CFB: variants seen among roughly 807,000 people sequenced by gnomAD.
CFB encodes complement factor B.
Under a neutral mutation model 97.2 loss-of-function variants are expected in CFB, and 59 were observed. The ratio of observed to expected loss-of-function variants is 0.61; its 90% CI spans 0.49 to 0.75. The LOEUF is 0.75. Among genes scored for constraint, CFB ranks in the 30% least tolerant of loss-of-function variants. CFB has a pLI of 0.00. For synonymous variants in CFB, 316 were observed against 351.7 expected (o/e 0.90, Z 1.14); for missense variants, 771 against 959.8 (o/e 0.80, Z 2.60).
Position 31,947,395 on chromosome 6 carries a change from G to A in CFB, c.532G>A (p.Gly178Ser). ...CATCCCCATTGGCACAAGGAAGGTG[G>A]GCAGCCAGTACCGCCTTGAAGACAG... is the stretch of plus-strand genomic sequence containing the variant. ...PGIPIGTRKV[G>S]SQYRLEDSVT... Residue 178 changes from glycine to serine, a missense_variant, in exon 4 of 18, where the codon GGC becomes AGC. Gly to Ser is a moderately conservative substitution (Grantham distance 56). Coordinates refer to ENST00000425368, the MANE Select transcript of CFB (RefSeq NM_001710.6). The surrounding 1 kb of genome is among the most constrained non-coding windows in gnomAD (Gnocchi z 5.3). 1 of 1,613,030 alleles carries A rather than the reference G, an allele frequency of 6.2e-7. No homozygotes were observed.
rs1562633057 is a variant in CFB at position 31,951,053 on chromosome 6, G to C, written c.1856-91G>C. On this transcript the variant is annotated intron_variant, in intron 14 of 17. Coordinates refer to ENST00000425368, the MANE Select transcript of CFB (RefSeq NM_001710.6). This position sits in a 1 kb window ranked among gnomAD's most constrained non-coding sequence, Gnocchi z 4.3. ...ATGCCTGGCCCAGAACCTAGCTCTAGAAGGGCTTAGGGGACATCTACTGAG... is the reference window on the plus strand; with the variant it reads ...ATGCCTGGCCCAGAACCTAGCTCTACAAGGGCTTAGGGGACATCTACTGAG... 5.7e-6 allele frequency: 9 copies of C among 1,570,264 alleles called. No individual in the cohort carries two copies. Among genetic ancestry groups the C allele is most frequent in the Middle Eastern group, 4.0e-4 (2 of 4,948 alleles).
Position 31,951,027 on chromosome 6 carries a change from G to A in CFB, c.1855+83G>A, listed in dbSNP as rs1771727974. On this transcript the variant is annotated intron_variant, in intron 14 of 17. Coordinates refer to ENST00000425368, the MANE Select transcript of CFB (RefSeq NM_001710.6). This position sits in a 1 kb window ranked among gnomAD's most constrained non-coding sequence, Gnocchi z 4.3. Reference sequence around the variant, plus strand: ...AGAGGGAGGTGCAATAGGAAGAGATGATGCCTGGCCCAGAACCTAGCTCTA... The same window carrying A: ...AGAGGGAGGTGCAATAGGAAGAGATAATGCCTGGCCCAGAACCTAGCTCTA... 3.2e-6 allele frequency: 5 copies of A among 1,575,842 alleles called. No individual in the cohort carries two copies. Among genetic ancestry groups the A allele is most frequent in the Non-Finnish European group, 4.4e-6 (5 of 1,147,860 alleles).
At position 31,951,497 on chromosome 6, in the gene CFB, G is replaced by C. The variant is rs561473312; in HGVS notation, c.2089+24G>C. 3 of 1,614,196 alleles carry C rather than the reference G, an allele frequency of 1.9e-6. No individual in the cohort carries two copies. The highest frequency in any genetic ancestry group is 2.7e-5 in the African/African-American group (2 of 75,022). ...AGGTGAGAGAATGCTCTTTGGTTGT[G>C]CTACAAGTGCCCAAGGCCCAACAGT... On this transcript the variant is annotated intron_variant, in intron 16 of 17. Transcript: ENST00000425368. This position sits in a 1 kb window ranked among gnomAD's most constrained non-coding sequence, Gnocchi z 4.3.
At chr6:31,948,678 G>A in intron 7 of CFB, 152 bp from the exon 8 acceptor site, 1 of 1,498,316 alleles carries the variant, frequency 6.7e-7, no homozygotes, top group Non-Finnish European at 9.2e-7. Flanking sequence ...GTTGGGGGCT[G>A]GAAGGGCCAC....
In CFB at chr6:31,950,414, A is replaced by G. The variant is rs557215267; in HGVS notation, c.1624+11A>G. On this transcript the variant is annotated intron_variant, in intron 12 of 17. Coordinates refer to ENST00000425368, the MANE Select transcript of CFB (RefSeq NM_001710.6). Reference sequence around the variant, plus strand: ...TCAAGGTCAGCGTAGGTAAGGATGCAACTGAAGGTCCTGGGCTGCACCTAT... The same window carrying G: ...TCAAGGTCAGCGTAGGTAAGGATGCGACTGAAGGTCCTGGGCTGCACCTAT... The G allele has an allele frequency of 6.6e-5, 106 of 1,609,110 alleles. No individual in the cohort carries two copies. Among genetic ancestry groups the G allele is most frequent in the South Asian group, 1.8e-4 (16 of 91,018 alleles).
chr6:31,951,063 G>C lies in CFB; in HGVS notation c.1856-81G>C. ...CAGAACCTAGCTCTAGAAGGGCTTA[G>C]GGGACATCTACTGAGTGACAAAGGC... On this transcript the variant is annotated intron_variant, in intron 14 of 17. Coordinates refer to ENST00000425368, the MANE Select transcript of CFB (RefSeq NM_001710.6). This position sits in a 1 kb window ranked among gnomAD's most constrained non-coding sequence, Gnocchi z 4.3. 6.4e-7 allele frequency: 1 copy of C among 1,574,024 alleles called. No homozygotes were observed. Among genetic ancestry groups the C allele is most frequent in the Non-Finnish European group, 8.7e-7 (1 of 1,145,822 alleles).
At position 31,949,276 on chromosome 6, in the gene CFB, T is replaced by C. The variant is rs773909822; in HGVS notation, c.1202T>C (p.Val401Ala). Reference sequence around the variant, plus strand: ...AACATGGGCGGGGACCCAATTACTGTCATTGATGAGATCCGGGACTTGCTA... The same window carrying C: ...AACATGGGCGGGGACCCAATTACTGCCATTGATGAGATCCGGGACTTGCTA... ...LHNMGGDPITVIDEIRDLLYI... is the reference protein window; with the variant it reads ...LHNMGGDPITAIDEIRDLLYI... The change falls in exon 9 of 18, where the codon GTC becomes GCC. Residue 401 changes from valine to alanine, a missense_variant. Transcript: ENST00000425368. 7.4e-6 allele frequency: 12 copies of C among 1,614,036 alleles called. No individual in the cohort carries two copies. Among genetic ancestry groups the C allele is most frequent in the Non-Finnish European group, 1.0e-5 (12 of 1,180,032 alleles).
In CFB at chr6:31,952,078, G is replaced by C. The variant is rs765917164; in HGVS notation, c.*48G>C. The C allele has an allele frequency of 6.2e-7, 1 of 1,605,892 alleles. No individual in the cohort carries two copies. Among genetic ancestry groups the C allele is most frequent in the Admixed American group, 1.7e-5 (1 of 60,012 alleles). ...CGTGGGATTGAATTAAAACAGCTGC[G>C]ACAACACCTGTGTTCCAGATCCTTT... On this transcript the variant is annotated 3_prime_UTR_variant, in exon 18 of 18. Coordinates refer to ENST00000425368, the MANE Select transcript of CFB (RefSeq NM_001710.6).
rs755655769 is a variant in CFB, at chr6:31,948,389, G to A, written c.913G>A (p.Val305Met). The A allele has an allele frequency of 2.5e-6, 4 of 1,614,104 alleles. No homozygotes were observed. Among genetic ancestry groups the A allele is most frequent in the Non-Finnish European group, 3.4e-6 (4 of 1,180,048 alleles). The change falls in exon 7 of 18, where the codon GTG becomes ATG. Residue 305 changes from valine to methionine, a missense_variant. Transcript: ENST00000425368. ...TCACCCACAGGTGGCAAGTTATGGT[G>A]TGAAGCCAAGATATGGTCTAGTGAC... ...NLIEKVASYG[V>M]KPRYGLVTYA...
rs1404836845 is a variant in CFB at position 31,950,745 on chromosome 6, A to G, written c.1751A>G (p.Asn584Ser). The G allele has an allele frequency of 4.3e-6, 7 of 1,612,968 alleles. No homozygotes were observed. Among genetic ancestry groups the G allele is most frequent in the Non-Finnish European group, 5.9e-6 (7 of 1,180,052 alleles). Residue 584 changes from asparagine (N) to serine (S), a missense_variant, in exon 13 of 18, where the codon AAT becomes AGT. Physicochemically the swap from Asn to Ser is conservative, Grantham distance 46 (BLOSUM62 1). Coordinates refer to ENST00000425368, the MANE Select transcript of CFB (RefSeq NM_001710.6). ...DYDVALIKLK[N>S]KLKYGQTIRP... ...GACGTTGCCCTGATCAAGCTCAAGAATAAGCTGAAATATGGCCAGACTATC... is the reference window on the plus strand; with the variant it reads ...GACGTTGCCCTGATCAAGCTCAAGAGTAAGCTGAAATATGGCCAGACTATC...
At chr6:31,949,913 A>C in intron 10 of CFB, 137 bp from the exon 11 acceptor site, 2 of 854,410 alleles carry the variant, frequency 2.3e-6, no homozygotes, top group South Asian at 2.8e-5. Flanking sequence ...TTTTCTCCTA[A>C]CACGAGGAAA....
chr6:31,946,807 C>G lies in CFB; in HGVS notation c.299-200C>G, dbSNP rs1313510974. The G allele has an allele frequency of 1.3e-6, 1 of 779,412 alleles. No individual in the cohort carries two copies. The highest frequency in any genetic ancestry group is 2.2e-6 in the Non-Finnish European group (1 of 459,048). 48.3% of individuals were successfully genotyped at this position (779,412 alleles called of 1,614,324 possible). Reference sequence around the variant, plus strand: ...GCATTTACCCTGGGCTTCCAGGCAGCCCTGGAAGTCAAGAGAACACTCAGA... The same window carrying G: ...GCATTTACCCTGGGCTTCCAGGCAGGCCTGGAAGTCAAGAGAACACTCAGA... On this transcript the variant is annotated intron_variant, in intron 2 of 17. Transcript: ENST00000425368. This position sits in a 1 kb window ranked among gnomAD's most constrained non-coding sequence, Gnocchi z 6.4.
rs181642526 is a variant in CFB, at chr6:31,946,936, G to T, written c.299-71G>T. The T allele has an allele frequency of 5.2e-6, 8 of 1,532,672 alleles. No individual in the cohort carries two copies. In the Admixed American group the frequency reaches 1.3e-4, roughly 26 times the overall value. The allele number at this position is 1,532,672 out of a possible 1,614,324, so 94.9% of individuals were successfully genotyped here. A position where few individuals can be genotyped will look rare whatever the true frequency, so the allele number is the denominator to read the frequency against. ...GCTGTTTCTCAGTGACATGGTCTCCGAGACCAGGAGGGATACACCTAAGGC... is the reference window on the plus strand; with the variant it reads ...GCTGTTTCTCAGTGACATGGTCTCCTAGACCAGGAGGGATACACCTAAGGC... On this transcript the variant is annotated intron_variant, in intron 2 of 17. Coordinates refer to ENST00000425368, the MANE Select transcript of CFB (RefSeq NM_001710.6). This position sits in a 1 kb window ranked among gnomAD's most constrained non-coding sequence, Gnocchi z 6.4.
Position 31,950,108 on chromosome 6 carries a change from T to C in CFB, c.1467T>C (p.Asp489=). 1 of 1,613,014 alleles carries C rather than the reference T, an allele frequency of 6.2e-7. No homozygotes were observed. Among genetic ancestry groups the C allele is most frequent in the Non-Finnish European group, 8.5e-7 (1 of 1,180,014 alleles). The change falls in exon 11 of 18, where the codon GAT becomes GAC. Residue 489 remains aspartate (D), a synonymous_variant. Coordinates refer to ENST00000425368, the MANE Select transcript of CFB (RefSeq NM_001710.6). The part of the protein sequence containing the change: ...GMVWEHRKGT[D]YHKQPWQAKI... Reference sequence around the variant, plus strand: ...TTTGGGAACACAGGAAGGGTACCGATTACCACAAGCAACCATGGCAGGCCA... The same window carrying C: ...TTTGGGAACACAGGAAGGGTACCGACTACCACAAGCAACCATGGCAGGCCA...
chr6:31,946,959 G>A lies in CFB; in HGVS notation c.299-48G>A, dbSNP rs1353880043. 2 of 1,596,278 alleles carry A rather than the reference G, an allele frequency of 1.3e-6. No individual in the cohort carries two copies. The highest frequency in any genetic ancestry group is 2.7e-5 in the African/African-American group (2 of 74,524). On this transcript the variant is annotated intron_variant, in intron 2 of 17. Transcript: ENST00000425368. This position sits in a 1 kb window ranked among gnomAD's most constrained non-coding sequence, Gnocchi z 6.4. ...CCGAGACCAGGAGGGATACACCTAA[G>A]GCAGCCTTTCCCTCTTGATGACTTC...
At position 31,950,770 on chromosome 6, in the gene CFB, C is replaced by T. The variant is rs1249076397; in HGVS notation, c.1776C>T (p.Ile592=). 1.9e-6 allele frequency: 3 copies of T among 1,613,098 alleles called. No individual in the cohort carries two copies. Among genetic ancestry groups the T allele is most frequent in the Non-Finnish European group, 2.5e-6 (3 of 1,180,048 alleles). ...ATAAGCTGAAATATGGCCAGACTAT[C>T]AGGTGAGAGCGTCCAGATCCCTGAG... ...LKNKLKYGQT[I]RPICLPCTEG... The change falls in exon 13 of 18, where the codon ATC becomes ATT. Residue 592 remains isoleucine, a splice_region_variant and synonymous_variant. Transcript: ENST00000425368.
Position 31,947,451 on chromosome 6 carries a change from C to T in CFB, c.588C>T (p.Thr196=). ...CCTACCACTGCAGCCGGGGGCTTACCCTGCGTGGCTCCCAGCGGCGAACGT... is the reference window on the plus strand; with the variant it reads ...CCTACCACTGCAGCCGGGGGCTTACTCTGCGTGGCTCCCAGCGGCGAACGT... ...SVTYHCSRGL[T]LRGSQRRTCQ... Residue 196 remains threonine, a synonymous_variant, in exon 4 of 18, where the codon ACC becomes ACT. Coordinates refer to ENST00000425368, the MANE Select transcript of CFB (RefSeq NM_001710.6). The surrounding 1 kb of genome is among the most constrained non-coding windows in gnomAD (Gnocchi z 5.3). 1 of 1,612,954 alleles carries T rather than the reference C, an allele frequency of 6.2e-7. No individual in the cohort carries two copies.
rs779078053 is a variant in CFB at position 31,947,465 on chromosome 6, A to C, written c.602A>C (p.Gln201Pro). ...CGGGGGCTTACCCTGCGTGGCTCCC[A>C]GCGGCGAACGTGTCAGGAAGGTGGC... is the stretch of plus-strand genomic sequence containing the variant. ...CSRGLTLRGS[Q>P]RRTCQEGGSW... is the part of the protein sequence containing the mutation. The change falls in exon 4 of 18, where the codon CAG (glutamine) becomes CCG (proline). Residue 201 changes from glutamine to proline, a missense_variant. Gln to Pro is a moderately conservative substitution (Grantham distance 76). Transcript: ENST00000425368. The surrounding 1 kb of genome is among the most constrained non-coding windows in gnomAD (Gnocchi z 5.3). The C allele has an allele frequency of 6.2e-7, 1 of 1,612,884 alleles. No homozygotes were observed.
chr6:31,951,607 G>A lies in CFB; in HGVS notation c.2139+3G>A. 1.2e-6 allele frequency: 2 copies of A among 1,614,194 alleles called. No homozygotes were observed. Among genetic ancestry groups the A allele is most frequent in the Non-Finnish European group, 1.7e-6 (2 of 1,180,042 alleles). On this transcript the variant is annotated splice_donor_region_variant and intron_variant, in intron 17 of 17. Coordinates refer to ENST00000425368, the MANE Select transcript of CFB (RefSeq NM_001710.6). This position sits in a 1 kb window ranked among gnomAD's most constrained non-coding sequence, Gnocchi z 4.3. Reference sequence around the variant, plus strand: ...ACAAGAGAAGTCGTTTCATTCAAGTGAGTCCTCCCTTTCCTATCTGGGGAG... The same window carrying A: ...ACAAGAGAAGTCGTTTCATTCAAGTAAGTCCTCCCTTTCCTATCTGGGGAG...
Sources: allele counts gnomAD v4.1 joint callset, GRCh38; gene constraint gnomAD v4.1.1; non-coding constraint Gnocchi (gnomAD v3.1); transcripts MANE v1.5; gene names NCBI Gene and HGNC (gene_info 2026-07-23, HGNC 2026-07-21).